TPD52L2: variants seen among roughly 807,000 people sequenced by gnomAD.
TPD52L2 encodes TPD52 like 2.
In TPD52L2, 19 loss-of-function variants were observed where a neutral mutation model predicts 24.7. That is an observed-to-expected ratio of 0.77 (90% CI 0.54 to 1.13). The LOEUF (loss-of-function observed/expected upper bound fraction) is 1.13. TPD52L2 is among the 50% of genes most tolerant of loss of function. TPD52L2 has a pLI of 0.00. For synonymous variants in TPD52L2, 104 were observed against 100.2 expected, an observed-to-expected ratio of 1.04 and a Z score of -0.23; for missense variants, 236 against 250.4, an observed-to-expected ratio of 0.94 and a Z score of 0.39.
chr20:63,886,440 A>G (rs2053109681), intron 5 of TPD52L2, among the ~76,000 whole-genome samples: 1 of 150,820 alleles, frequency 6.6e-6, no homozygotes, highest in Admixed American at 6.6e-5. Flanking sequence ...GGCTCACTGC[A>G]AGCTCCGCCT....
At position 63,873,725 on chromosome 20, in the gene TPD52L2, G is replaced by A; in HGVS notation, c.223G>A (p.Gly75Arg). The A allele has an allele frequency of 6.2e-7, 1 of 1,610,882 alleles. No individual in the cohort carries two copies. The highest frequency in any genetic ancestry group is 2.2e-5 in the East Asian group (1 of 44,728). The change falls in exon 3 of 7, where the codon GGA becomes AGA. Residue 75 changes from glycine (G) to arginine (R), a missense_variant. Physicochemically the swap from Gly to Arg is moderately radical, Grantham distance 125. Coordinates refer to ENST00000346249, the MANE Select transcript of TPD52L2 (RefSeq NM_003288.4). ...QVLAAKERHC[G>R]ELKRRLGLST... The stretch of plus-strand genomic sequence containing the variant: ...CCTGGCAGCCAAGGAGAGGCACTGT[G>A]GAGAGCTCAAGAGGAGGCTGGGCCT...
chr20:63,873,401 A>C (rs980533387), intron 2 of TPD52L2, among the ~76,000 whole-genome samples: 1 of 151,982 alleles, frequency 6.6e-6, no homozygotes, highest in African/African-American at 2.4e-5. Context: ...AGGCAGGAGA[A>C]TCACTTGAAT....
intron 4 of TPD52L2, among the ~76,000 whole-genome samples, chr20:63,882,260 G>A (rs1229940714): frequency 2.6e-5 from 4 of 152,386 alleles, no homozygotes; most frequent in Middle Eastern, 3.4e-3. Context: ...CGCATGGGCC[G>A]GTCAGGGCAC....
At chr20:63,869,134 G>A (rs774830593) in intron 1 of TPD52L2, among the ~76,000 whole-genome samples, 162 bp from the exon 2 acceptor site, 8 of 152,080 alleles carry the variant, frequency 5.3e-5, no homozygotes, top group Non-Finnish European at 1.0e-4. Flanking sequence ...GGCTGCCCTC[G>A]TCTACTGCCC....
intron 1 of TPD52L2, among the ~76,000 whole-genome samples, chr20:63,867,731 C>G (rs948845251): frequency 2.0e-5 from 3 of 151,428 alleles, no homozygotes; most frequent in African/African-American, 7.3e-5. Flanking sequence ...TGCATTTAAT[C>G]TGGTGTCTTT....
Position 63,886,064 on chromosome 20 carries a change from C to T in TPD52L2, c.477-3126C>T, listed in dbSNP as rs775336667. The T allele has an allele frequency of 2.5e-6, 4 of 1,613,532 alleles. No individual in the cohort carries two copies. In the Admixed American group the frequency reaches 6.7e-5, roughly 27 times the overall value. Reference sequence around the variant, plus strand: ...TTAGGTAAGGCTGAGCCTGGACACACCTGTGGAAGACTTTTCTCTGAATTG... The same window carrying T: ...TTAGGTAAGGCTGAGCCTGGACACATCTGTGGAAGACTTTTCTCTGAATTG... On this transcript the variant is annotated intron_variant, in intron 5 of 6. Coordinates refer to ENST00000346249, the MANE Select transcript of TPD52L2 (RefSeq NM_003288.4).
chr20:63,871,638 G>T (rs1315706912), intron 2 of TPD52L2, among the ~76,000 whole-genome samples: 1 of 132,984 alleles, frequency 7.5e-6, no homozygotes, highest in African/African-American at 2.8e-5. Flanking sequence ...GCAAGAAAGA[G>T]TTTTTTTTTT....
At chr20:63,876,828 C>G (rs1402549838) in intron 4 of TPD52L2, 1 of 455,572 alleles carries the variant, frequency 2.2e-6, no homozygotes, top group Admixed American at 2.4e-5. Context: ...TTCCAGGGAC[C>G]CGGGTGGTTC....
At chr20:63,871,065 CAG>C (rs1436298464) in intron 2 of TPD52L2, among the ~76,000 whole-genome samples, 1 of 151,128 alleles carries the variant, frequency 6.6e-6, no homozygotes, top group Non-Finnish European at 1.5e-5. Context: ...TTTCTTGAGA[CAG>C]AGTCTTGCTC....
chr20:63,880,872 C>T (rs1235935279), intron 4 of TPD52L2, among the ~76,000 whole-genome samples: 1 of 133,644 alleles, frequency 7.5e-6, no homozygotes, highest in East Asian at 2.1e-4. Context: ...GCCTGGGCTA[C>T]AGAGCAAGAC....
At chr20:63,871,337 C>T (rs926569180) in intron 2 of TPD52L2, among the ~76,000 whole-genome samples, 2 of 148,122 alleles carry the variant, frequency 1.4e-5, no homozygotes, top group South Asian at 4.3e-4. Context: ...GCCGCTGTAC[C>T]CAGCCAAGAA....
chr20:63,871,575 C>G (rs573187422), intron 2 of TPD52L2, among the ~76,000 whole-genome samples: 1 of 151,816 alleles, frequency 6.6e-6, no homozygotes, highest in South Asian at 2.1e-4. Context: ...GTCTCGAACT[C>G]CAGACCTCAG....
In TPD52L2 at chr20:63,865,344, G is replaced by A; in HGVS notation, c.-22G>A. ...CTCGGCTCCCATAGCGCCCGCGACA[G>A]CGGTCCGGACGCCGCCCGAACATGG... On this transcript the variant is annotated 5_prime_UTR_variant, in exon 1 of 7. Transcript: ENST00000346249. 1 of 1,523,130 alleles carries A rather than the reference G, an allele frequency of 6.6e-7. No individual in the cohort carries two copies. The highest frequency in any genetic ancestry group is 8.8e-7 in the Non-Finnish European group (1 of 1,141,172). The allele number at this position is 1,523,130 out of a possible 1,614,324, so 94.4% of individuals were successfully genotyped here.
At position 63,877,048 on chromosome 20, in the gene TPD52L2, C is replaced by A. The variant is rs1256156127; in HGVS notation, c.374+1173C>A. On this transcript the variant is annotated intron_variant, in intron 4 of 6. Transcript: ENST00000346249. The surrounding 1 kb of genome is among the most constrained non-coding windows in gnomAD (Gnocchi z 4.1). Reference sequence around the variant, plus strand: ...TGTTTGTTTGGTTTTTTTTTTGAGACAACGTCTCGTTCTGTCTCCCAGGCT... The same window carrying A: ...TGTTTGTTTGGTTTTTTTTTTGAGAAAACGTCTCGTTCTGTCTCCCAGGCT... 2.3e-6 allele frequency: 1 copy of A among 441,340 alleles called. No homozygotes were observed. Among genetic ancestry groups the A allele is most frequent in the Non-Finnish European group, 4.5e-6 (1 of 223,014 alleles). 27.3% of individuals were successfully genotyped at this position (441,340 alleles called of 1,614,324 possible).
At chr20:63,867,576 A>G (rs1427570059) in intron 1 of TPD52L2, among the ~76,000 whole-genome samples, 38 of 151,890 alleles carry the variant, frequency 2.5e-4, no homozygotes, top group Non-Finnish European at 4.7e-4. Context: ...AAAAAAAAAA[A>G]AGAGAATCAG....
chr20:63,886,057 G>T, intron 5 of TPD52L2: 1 of 1,613,882 alleles, frequency 6.2e-7, no homozygotes, highest in Non-Finnish European at 8.5e-7. Context: ...GGCTGAGCCT[G>T]GACACACCTG....
intron 2 of TPD52L2, among the ~76,000 whole-genome samples, chr20:63,869,701 G>A (rs1223395480): frequency 2.0e-5 from 3 of 152,194 alleles, no homozygotes; most frequent in Non-Finnish European, 2.9e-5. Context: ...TGCTCCCTGA[G>A]GAGTGTTCAC....
At chr20:63,869,172 A>G in intron 1 of TPD52L2, 124 bp from the exon 2 acceptor site, 10 of 1,065,626 alleles carry the variant, frequency 9.4e-6, no homozygotes, top group Non-Finnish European at 1.4e-5. Context: ...CTTTCAGAGA[A>G]GAGGTGTTAG....
At chr20:63,887,569 A>C (rs2146248248) in intron 5 of TPD52L2, 1 of 1,612,904 alleles carries the variant, frequency 6.2e-7, no homozygotes, top group African/African-American at 1.3e-5. Context: ...AGCAGCAGCT[A>C]CTCCATCCGC....
Sources: gnomAD v4.1 joint callset for allele counts (sites outside exome capture counted in the v4.1 genomes callset) on GRCh38, gnomAD v4.1.1 for gene constraint, Gnocchi (gnomAD v3.1) non-coding constraint, MANE v1.5 for transcripts, NCBI Gene and HGNC (gene_info 2026-07-23, HGNC 2026-07-21) for gene names.